The following B3GLCT variants were observed in gnomAD, a reference collection of about 807,000 sequenced individuals.
The protein encoded by B3GLCT is beta 3-glucosyltransferase, also known as beta-1,3-glucosyltransferase.
A neutral mutation model predicts 63.4 loss-of-function variants in B3GLCT; 65 were observed. The observed-to-expected ratio is 1.03, with a 90% CI of 0.84 to 1.26. B3GLCT has a LOEUF of 1.26. B3GLCT is among the 50% of genes most tolerant of loss of function. The probability of loss-of-function intolerance (pLI) is 0.00; values close to 1 mark genes in which losing one functional copy is unlikely to be tolerated. For synonymous variants in B3GLCT, 233 were observed against 219.2 expected (o/e 1.06, Z -0.55); for missense variants, 577 against 604.8 (o/e 0.95, Z 0.48).
intron 2 of B3GLCT, among the ~76,000 whole-genome samples, chr13:31,220,632 A>C (rs1869765803): frequency 6.6e-6 from 1 of 152,204 alleles, no homozygotes; most frequent in Non-Finnish European, 1.5e-5. Context: ...AGTCAAGACC[A>C]TTTTGGTTCC....
chr13:31,250,414 T>C (rs1871374493), intron 6 of B3GLCT, among the ~76,000 whole-genome samples: 1 of 152,232 alleles, frequency 6.6e-6, no homozygotes, highest in African/African-American at 2.4e-5. Flanking sequence ...TCTCAAGTGA[T>C]CTGCCTGCCT....
At chr13:31,230,537 T>G (rs2038794) in intron 4 of B3GLCT, among the ~76,000 whole-genome samples, 151,935 of 152,332 alleles carry the variant, frequency 1, 75,770 homozygotes, top group Middle Eastern at 1. Context: ...GGTTTATTGT[T>G]CTTAATATTT....
At chr13:31,244,949 T>G (rs1340697598) in intron 4 of B3GLCT, among the ~76,000 whole-genome samples, 1 of 145,200 alleles carries the variant, frequency 6.9e-6, no homozygotes, top group East Asian at 2.1e-4. Flanking sequence ...TAACAAGGCA[T>G]GCTAGCTTTT....
intron 1 of B3GLCT, among the ~76,000 whole-genome samples, chr13:31,203,868 C>T (rs769504128): frequency 6.6e-6 from 1 of 152,172 alleles, no homozygotes; most frequent in African/African-American, 2.4e-5. Context: ...CCCAAAGAAA[C>T]CTGATTTAAC....
At chr13:31,200,847 G>A (rs1868622584) in intron 1 of B3GLCT, among the ~76,000 whole-genome samples, 1 of 152,134 alleles carries the variant, frequency 6.6e-6, no homozygotes, top group Admixed American at 6.5e-5. Context: ...CGGCGGGGAG[G>A]CTTGCTCCTG....
intron 4 of B3GLCT, among the ~76,000 whole-genome samples, chr13:31,234,961 ACCTCATT>A (rs1047884966): frequency 8.6e-5 from 13 of 151,980 alleles, no homozygotes; most frequent in African/African-American, 3.1e-4. Context: ...TGGGCGAGGA[ACCTCATT>A]CTAAGGTCGT....
chr13:31,231,712 A>C (rs1190350835), intron 4 of B3GLCT, among the ~76,000 whole-genome samples: 1 of 152,194 alleles, frequency 6.6e-6, no homozygotes, highest in African/African-American at 2.4e-5. Flanking sequence ...CAGCAGGGAT[A>C]AGGCATGTGG....
chr13:31,200,778 C>A (rs1475460994), intron 1 of B3GLCT, among the ~76,000 whole-genome samples: 1 of 152,074 alleles, frequency 6.6e-6, no homozygotes, highest in African/African-American at 2.4e-5. Context: ...GCCAGCCCTT[C>A]CCGGATTCCG....
intron 7 of B3GLCT, among the ~76,000 whole-genome samples, chr13:31,266,163 AAT>A (rs1241488462): frequency 2.0e-5 from 3 of 151,298 alleles, no homozygotes; most frequent in Admixed American, 1.3e-4. Context: ...ACACCCGCCT[AAT>A]ATTTTTGTGT....
At chr13:31,228,508 C>T (rs1402775844) in intron 3 of B3GLCT, among the ~76,000 whole-genome samples, 1 of 152,176 alleles carries the variant, frequency 6.6e-6, no homozygotes, top group Non-Finnish European at 1.5e-5. Context: ...TTGGTTCCTT[C>T]TGAGAGCTGG....
chr13:31,240,185 G>A (rs1021732118), intron 4 of B3GLCT, among the ~76,000 whole-genome samples: 1 of 152,150 alleles, frequency 6.6e-6, no homozygotes, highest in Non-Finnish European at 1.5e-5. Context: ...TCATTATTGG[G>A]GGCAGAGGTC....
chr13:31,300,357 A>G (rs569647847), intron 12 of B3GLCT, among the ~76,000 whole-genome samples: 1 of 152,336 alleles, frequency 6.6e-6, no homozygotes, highest in South Asian at 2.1e-4. Flanking sequence ...TTTCAGATAT[A>G]AATGTAATTG....
intron 1 of B3GLCT, among the ~76,000 whole-genome samples, chr13:31,201,011 A>T (rs1189937178): frequency 1.8e-4 from 3 of 16,992 alleles, no homozygotes; most frequent in Admixed American, 9.0e-4. Flanking sequence ...GATAAAAGTT[A>T]AAAAAAAAAA....
At chr13:31,202,205 A>T (rs945476012) in intron 1 of B3GLCT, among the ~76,000 whole-genome samples, 1 of 152,248 alleles carries the variant, frequency 6.6e-6, no homozygotes, top group African/African-American at 2.4e-5. Context: ...CCCACAAACT[A>T]GAGCATATTT....
At chr13:31,251,233 G>A (rs762569803) in intron 6 of B3GLCT, among the ~76,000 whole-genome samples, 1 of 152,150 alleles carries the variant, frequency 6.6e-6, no homozygotes, top group Non-Finnish European at 1.5e-5. Flanking sequence ...AAGACCAAAC[G>A]TAGATAAATC....
At chr13:31,220,473 G>A (rs1483803666) in intron 2 of B3GLCT, among the ~76,000 whole-genome samples, 2 of 152,290 alleles carry the variant, frequency 1.3e-5, no homozygotes, top group African/African-American at 4.8e-5. Flanking sequence ...TATTGATAGC[G>A]TAAGAAACAT....
intron 12 of B3GLCT, among the ~76,000 whole-genome samples, chr13:31,305,298 A>C (rs2137912578): frequency 8.9e-6 from 1 of 112,038 alleles, no homozygotes; most frequent in African/African-American, 3.1e-5. Flanking sequence ...CACATTCAAA[A>C]GCTAGCAGAA....
chr13:31,254,927 C>T (rs1871647682), intron 6 of B3GLCT, among the ~76,000 whole-genome samples: 1 of 151,766 alleles, frequency 6.6e-6, no homozygotes, highest in African/African-American at 2.4e-5. Context: ...ATCCCAGCTA[C>T]TCGGGAGGCT....
At chr13:31,309,094 T>A (rs953366589) in intron 12 of B3GLCT, among the ~76,000 whole-genome samples, 4 of 152,240 alleles carry the variant, frequency 2.6e-5, no homozygotes, top group African/African-American at 9.6e-5. Context: ...AGCAGAGCAC[T>A]GTGACTTCAT....
Sources: gnomAD v4.1 joint callset for allele counts (sites outside exome capture counted in the v4.1 genomes callset) on GRCh38, gnomAD v4.1.1 for gene constraint, MANE v1.5 for transcripts, NCBI Gene and HGNC (gene_info 2026-07-23, HGNC 2026-07-21) for gene names.